Variants in PLCB1 observed in about 807,000 individuals in gnomAD.
The protein encoded by PLCB1 is phospholipase C beta 1.
A neutral mutation model predicts 161.8 loss-of-function variants in PLCB1; 46 were observed. The observed-to-expected ratio is 0.28, with a 90% CI of 0.22 to 0.36. The LOEUF (loss-of-function observed/expected upper bound fraction) is 0.36. Ranked by LOEUF, PLCB1 falls within the 10% of genes least tolerant of loss-of-function variation. The probability of loss-of-function intolerance (pLI) is 1.00; values close to 1 mark genes in which losing one functional copy is unlikely to be tolerated. For missense variants in PLCB1, 1,016 were observed against 1,472.5 expected (o/e 0.69, Z 5.07); for synonymous variants, 517 against 503.7 (o/e 1.03, Z -0.35).
intron 2 of PLCB1, among the ~76,000 whole-genome samples, chr20:8,163,869 T>C (rs2123055649): frequency 6.6e-6 from 1 of 152,346 alleles, no homozygotes; most frequent in South Asian, 2.1e-4. Flanking sequence ...CATCCTATAC[T>C]GGAAGCTTCA....
intron 3 of PLCB1, among the ~76,000 whole-genome samples, chr20:8,478,246 G>A (rs1982361503): frequency 6.6e-6 from 1 of 152,160 alleles, no homozygotes; most frequent in African/African-American, 2.4e-5. Flanking sequence ...TAGTTTCATG[G>A]CACTTGTTGG....
At chr20:8,616,120 C>T (rs533414402) in intron 3 of PLCB1, among the ~76,000 whole-genome samples, 2 of 152,114 alleles carry the variant, frequency 1.3e-5, no homozygotes, top group South Asian at 2.1e-4. Flanking sequence ...CCAAATCTGT[C>T]CCCCATATTC....
At chr20:8,301,208 GCCATGTTCTGCAATATCTT>G (rs1379372144) in intron 2 of PLCB1, among the ~76,000 whole-genome samples, 1 of 152,112 alleles carries the variant, frequency 6.6e-6, no homozygotes, top group Non-Finnish European at 1.5e-5. Context: ...CTCTGGTAAT[GCCATGTTCTGCAATATCTT>G]CCATGCCAAG....
rs1193170544 is a variant in PLCB1 at position 8,823,442 on chromosome 20, G to A, written c.3423+33181G>A. Among the ~76,000 whole-genome samples the A allele has an allele frequency of 2.6e-5, 4 of 152,224 alleles. No individual in the cohort carries two copies. The East Asian group carries it at 7.7e-4, about 29-fold the overall frequency. On this transcript the variant is annotated intron_variant, in intron 31 of 31. Coordinates refer to ENST00000338037, the MANE Select transcript of PLCB1 (RefSeq NM_015192.4). The stretch of plus-strand genomic sequence containing the variant: ...CCCGCCAGAGCCACCACCCCTGCCT[G>A]CACCACTTTAAATAAGGAACTTGTG...
At chr20:8,684,543 A>G (rs1019194341) in intron 9 of PLCB1, among the ~76,000 whole-genome samples, 2 of 152,148 alleles carry the variant, frequency 1.3e-5, no homozygotes, top group African/African-American at 4.8e-5. Flanking sequence ...CCACTTGTAC[A>G]TAATTTTGAT....
chr20:8,201,644 A>G (rs1296487180), intron 2 of PLCB1, among the ~76,000 whole-genome samples: 2 of 152,136 alleles, frequency 1.3e-5, no homozygotes, highest in Non-Finnish European at 2.9e-5. Flanking sequence ...CATATAGGTT[A>G]TTACTCTGCC....
intron 3 of PLCB1, among the ~76,000 whole-genome samples, chr20:8,569,364 G>GAAAAATAC (rs1235679490): frequency 1.2e-4 from 19 of 152,224 alleles, no homozygotes; most frequent in African/African-American, 2.9e-4. Flanking sequence ...CTAGTAATCA[G>GAAAAATAC]AAATTAAAAC....
At chr20:8,779,657 C>G (rs1284123266) in intron 27 of PLCB1, among the ~76,000 whole-genome samples, 1 of 152,100 alleles carries the variant, frequency 6.6e-6, no homozygotes, top group African/African-American at 2.4e-5. Context: ...GGCCCCACTT[C>G]AGACCTGCTA....
chr20:8,228,266 G>A (rs74920961), intron 2 of PLCB1, among the ~76,000 whole-genome samples: 4,725 of 152,144 alleles, frequency 0.031, 220 homozygotes, highest in African/African-American at 0.1. Flanking sequence ...TTGGTTAAAT[G>A]GCCAGCACTG....
chr20:8,624,247 A>T (rs1055479278), intron 3 of PLCB1, among the ~76,000 whole-genome samples: 1 of 152,226 alleles, frequency 6.6e-6, no homozygotes, highest in Non-Finnish European at 1.5e-5. Flanking sequence ...TTCCATCCAT[A>T]TAACTGTAAT....
At chr20:8,556,541 A>T (rs1204703206) in intron 3 of PLCB1, among the ~76,000 whole-genome samples, 1 of 152,064 alleles carries the variant, frequency 6.6e-6, no homozygotes, top group East Asian at 1.9e-4. Context: ...ACCTATGCTC[A>T]AAAGATTTGA....
intron 1 of PLCB1, among the ~76,000 whole-genome samples, chr20:8,145,290 T>A (rs2051442334): frequency 6.6e-6 from 1 of 152,150 alleles, no homozygotes; most frequent in Non-Finnish European, 1.5e-5. Context: ...TGTTCTCTTC[T>A]TATAAGGACA....
intron 10 of PLCB1, among the ~76,000 whole-genome samples, chr20:8,693,167 C>A (rs1990517164): frequency 2.0e-5 from 3 of 152,194 alleles, no homozygotes; most frequent in African/African-American, 7.2e-5. Flanking sequence ...ACTTTCATAT[C>A]CCCAGTAACC....
At position 8,725,777 on chromosome 20, in the gene PLCB1, A is replaced by T. The variant is rs147053944; in HGVS notation, c.1678+1025A>T. Among the ~76,000 whole-genome samples the T allele has an allele frequency of 2.7e-3, 413 of 152,274 alleles. 1 individual carries two copies. The highest frequency in any genetic ancestry group is 9.5e-3 in the African/African-American group (396 of 41,570). ...TAACTCATTAGTTAAAAGTTCCAAG[A>T]CAAGTAGCCAAGTGTGAGAAAGAGC... On this transcript the variant is annotated intron_variant, in intron 16 of 31. Transcript: ENST00000338037.
At chr20:8,614,624 G>A (rs1987999166) in intron 3 of PLCB1, among the ~76,000 whole-genome samples, 1 of 132,460 alleles carries the variant, frequency 7.5e-6, no homozygotes, top group African/African-American at 2.7e-5. Context: ...GTGTGTGTGT[G>A]TGTTTATGTA....
At chr20:8,862,025 T>C (rs1225252078) in intron 31 of PLCB1, among the ~76,000 whole-genome samples, 1 of 152,194 alleles carries the variant, frequency 6.6e-6, no homozygotes, top group East Asian at 1.9e-4. Flanking sequence ...CCTTTAAAAA[T>C]AGACTGGCAT....
chr20:8,852,806 A>G (rs1207903153), intron 31 of PLCB1, among the ~76,000 whole-genome samples: 1 of 152,250 alleles, frequency 6.6e-6, no homozygotes, highest in East Asian at 1.9e-4. Flanking sequence ...CACCAATGCT[A>G]GATCCTACAG....
intron 2 of PLCB1, among the ~76,000 whole-genome samples, chr20:8,308,476 G>C (rs1318865501): frequency 6.6e-6 from 1 of 151,944 alleles, no homozygotes; most frequent in African/African-American, 2.4e-5. Context: ...AATTAGCTGG[G>C]CACGGTGGCA....
intron 10 of PLCB1, among the ~76,000 whole-genome samples, chr20:8,697,269 A>G (rs1990603826): frequency 6.6e-6 from 1 of 152,180 alleles, no homozygotes; most frequent in Admixed American, 6.5e-5. Flanking sequence ...GTGCCATTTT[A>G]TTATGTGAAA....
Sources: gnomAD v4.1 joint callset for allele counts (sites outside exome capture counted in the v4.1 genomes callset) on GRCh38, gnomAD v4.1.1 for gene constraint, MANE v1.5 for transcripts, NCBI Gene and HGNC (gene_info 2026-07-23, HGNC 2026-07-21) for gene names.